SLC35F3: variants seen among roughly 807,000 people sequenced by gnomAD.
SLC35F3 encodes the protein putative thiamine transporter SLC35F3.
A neutral mutation model predicts 49.9 loss-of-function variants in SLC35F3; 25 were observed. The observed-to-expected ratio is 0.50, with a 90% CI of 0.37 to 0.70. The LOEUF (loss-of-function observed/expected upper bound fraction) is 0.70. Ranked by LOEUF, SLC35F3 falls within the 30% of genes least tolerant of loss-of-function variation. The probability of loss-of-function intolerance (pLI) is 0.00; values close to 1 mark genes in which losing one functional copy is unlikely to be tolerated. For synonymous variants in SLC35F3, 275 were observed against 265.4 expected (o/e 1.04, Z -0.35); for missense variants, 525 against 639.8 (o/e 0.82, Z 1.94).
chr1:233,951,545 T>G (rs1423209066), intron 2 of SLC35F3, among the ~76,000 whole-genome samples: 3 of 152,144 alleles, frequency 2.0e-5, no homozygotes, highest in Non-Finnish European at 4.4e-5. Context: ...TATAATTGCC[T>G]ACAGCAGGGG....
intron 2 of SLC35F3, among the ~76,000 whole-genome samples, chr1:234,164,940 A>G (rs1460627302): frequency 6.6e-6 from 1 of 152,024 alleles, no homozygotes; most frequent in Admixed American, 6.6e-5. Context: ...ACCAAACTCT[A>G]CCATAAATGA....
intron 2 of SLC35F3, among the ~76,000 whole-genome samples, chr1:234,038,533 C>T (rs915591244): frequency 9.2e-5 from 14 of 151,984 alleles, no homozygotes; most frequent in Non-Finnish European, 1.8e-4. Context: ...CCTGAGGAAT[C>T]GCCACACTGA....
intron 3 of SLC35F3, among the ~76,000 whole-genome samples, chr1:234,275,771 TA>T: frequency 6.9e-6 from 1 of 144,216 alleles, no homozygotes; most frequent in East Asian, 1.9e-4. Context: ...AAAATATATA[TA>T]TATATATATA....
At chr1:234,267,540 GC>G (rs1438220645) in intron 3 of SLC35F3, among the ~76,000 whole-genome samples, 20 of 150,300 alleles carry the variant, frequency 1.3e-4, no homozygotes, top group African/African-American at 5.0e-4. Context: ...GGACGGGGCG[GC>G]TGGCCGGGCA....
chr1:234,229,423 A>G (rs1432838519), intron 2 of SLC35F3, among the ~76,000 whole-genome samples: 2 of 152,246 alleles, frequency 1.3e-5, no homozygotes, highest in African/African-American at 4.8e-5. Flanking sequence ...CCAAATCCAT[A>G]GAAACATTTT....
rs36086223 is a variant in SLC35F3 at position 234,248,467 on chromosome 1, G to C, written c.608+16726G>C. On this transcript the variant is annotated intron_variant, in intron 3 of 7. Coordinates refer to ENST00000366618, the MANE Select transcript of SLC35F3 (RefSeq NM_173508.4). The stretch of plus-strand genomic sequence containing the variant: ...GGCTGGTCCATTGTTTGATGGGTCA[G>C]TTGGCTGGTGCATTGTTTGGTGGGT... Among the ~76,000 whole-genome samples, 4,508 of 135,750 alleles carry C rather than the reference G, an allele frequency of 0.033. No homozygotes were observed. The East Asian group carries it at 0.36, about 11-fold the overall frequency. 89.1% of individuals were successfully genotyped at this position (135,750 alleles called of 152,430 possible).
chr1:234,320,640 A>G lies in SLC35F3; in HGVS notation c.1237+453A>G, dbSNP rs185115715. On this transcript the variant is annotated intron_variant, in intron 7 of 7. Coordinates refer to ENST00000366618, the MANE Select transcript of SLC35F3 (RefSeq NM_173508.4). This position sits in a 1 kb window ranked among gnomAD's most constrained non-coding sequence, Gnocchi z 4.8. ...CTGGGGGAGAAAATTTGCTCAAGGC[A>G]TGAGGTAGAAACATGCTGACAAGCT... Among the ~76,000 whole-genome samples the G allele has an allele frequency of 8.3e-3, 1,270 of 152,296 alleles. 13 individuals are homozygous for G. Among genetic ancestry groups the G allele is most frequent in the Admixed American group, 0.014 (207 of 15,296 alleles).
At chr1:234,146,828 A>G (rs1666004763) in intron 2 of SLC35F3, among the ~76,000 whole-genome samples, 1 of 151,886 alleles carries the variant, frequency 6.6e-6, no homozygotes, top group Non-Finnish European at 1.5e-5. Context: ...CTTTCTTTCC[A>G]TATGTCTTTC....
chr1:234,002,537 A>AGAAAGACCTCAAAGGCCACGTTTT (rs1478703294), intron 2 of SLC35F3, among the ~76,000 whole-genome samples: 4 of 152,108 alleles, frequency 2.6e-5, no homozygotes, highest in African/African-American at 9.7e-5. Context: ...GGGTTTGGGG[A>AGAAAGACCTCAAAGGCCACGTTTT]GAAAGACCTC....
chr1:233,993,186 C>T (rs756531142), intron 2 of SLC35F3, among the ~76,000 whole-genome samples: 5 of 152,090 alleles, frequency 3.3e-5, no homozygotes, highest in Non-Finnish European at 5.9e-5. Flanking sequence ...AGGCTGGTCT[C>T]GAACTCCTGA....
chr1:233,904,849 C>G lies in SLC35F3; in HGVS notation c.-229C>G, dbSNP rs890844057. 4.2e-6 allele frequency: 1 copy of G among 240,574 alleles called. No individual in the cohort carries two copies. The highest frequency in any genetic ancestry group is 7.8e-6 in the Non-Finnish European group (1 of 128,224). 14.9% of individuals were successfully genotyped at this position (240,574 alleles called of 1,614,324 possible). A position where few individuals can be genotyped will look rare whatever the true frequency, so the allele number is the denominator to read the frequency against. On this transcript the variant is annotated 5_prime_UTR_variant, in exon 1 of 8. Transcript: ENST00000366618. Reference sequence around the variant, plus strand: ...CGTTGCGGCGAGCGCGCGGGCCGGCCTGGAGTCACCGGGCTGAACCGCCGC... The same window carrying G: ...CGTTGCGGCGAGCGCGCGGGCCGGCGTGGAGTCACCGGGCTGAACCGCCGC...
Position 233,920,993 on chromosome 1 carries a change from C to T in SLC35F3, c.283+15235C>T, listed in dbSNP as rs574800220. Among the ~76,000 whole-genome samples the T allele has an allele frequency of 7.2e-5, 11 of 152,366 alleles. No individual in the cohort carries two copies. The South Asian group carries it at 1.9e-3, about 26-fold the overall frequency. ...TGTGATACCCTAAACAGAGGGCCAACTAAGCTGTACCCAGATCCCTGATTC... is the reference window on the plus strand; with the variant it reads ...TGTGATACCCTAAACAGAGGGCCAATTAAGCTGTACCCAGATCCCTGATTC... On this transcript the variant is annotated intron_variant, in intron 2 of 7. Transcript: ENST00000366618.
At chr1:234,236,753 G>T (rs1235364906) in intron 3 of SLC35F3, among the ~76,000 whole-genome samples, 1 of 151,766 alleles carries the variant, frequency 6.6e-6, no homozygotes, top group African/African-American at 2.4e-5. Context: ...AAATGCAGCT[G>T]CTGCGACTCT....
At chr1:233,978,161 A>T (rs1020287357) in intron 2 of SLC35F3, among the ~76,000 whole-genome samples, 2 of 152,098 alleles carry the variant, frequency 1.3e-5, no homozygotes, top group African/African-American at 2.4e-5. Flanking sequence ...CAAGGCTCTG[A>T]AGAAGGAAAA....
At chr1:233,962,377 A>G (rs1662818583) in intron 2 of SLC35F3, among the ~76,000 whole-genome samples, 1 of 152,236 alleles carries the variant, frequency 6.6e-6, no homozygotes, top group African/African-American at 2.4e-5. Context: ...TGTTTTATTT[A>G]CAGTTCATCT....
At chr1:234,183,131 C>T (rs1666587070) in intron 2 of SLC35F3, among the ~76,000 whole-genome samples, 1 of 142,834 alleles carries the variant, frequency 7.0e-6, no homozygotes, top group Non-Finnish European at 1.5e-5. Context: ...ATTCTCATGC[C>T]TCAGCCTCCT....
chr1:233,930,034 A>G (rs1662217405), intron 2 of SLC35F3, among the ~76,000 whole-genome samples: 1 of 152,134 alleles, frequency 6.6e-6, no homozygotes, highest in Non-Finnish European at 1.5e-5. Context: ...CTCTAGTCCC[A>G]GCTACTCAGG....
chr1:234,289,607 C>A (rs1372989443), intron 3 of SLC35F3, among the ~76,000 whole-genome samples: 1 of 152,230 alleles, frequency 6.6e-6, no homozygotes, highest in Non-Finnish European at 1.5e-5. Context: ...GAAATTGGAA[C>A]CTCAAGTTCA....
At chr1:233,936,772 T>C (rs1338236014) in intron 2 of SLC35F3, among the ~76,000 whole-genome samples, 1 of 152,108 alleles carries the variant, frequency 6.6e-6, no homozygotes, top group African/African-American at 2.4e-5. Flanking sequence ...CACTGCAGCC[T>C]TGACCTCCCA....
Sources: gnomAD v4.1 joint callset for allele counts (sites outside exome capture counted in the v4.1 genomes callset) on GRCh38, gnomAD v4.1.1 for gene constraint, Gnocchi (gnomAD v3.1) non-coding constraint, MANE v1.5 for transcripts, NCBI Gene and HGNC (gene_info 2026-07-23, HGNC 2026-07-21) for gene names.